The following FNDC3B variants were observed in gnomAD, a reference collection of about 807,000 sequenced individuals.
FNDC3B encodes the protein fibronectin type III domain containing 3B.
In FNDC3B, 12 loss-of-function variants were observed where a neutral mutation model predicts 151.5. The ratio of observed to expected loss-of-function variants is 0.08; its 90% CI spans 0.05 to 0.13. FNDC3B has a LOEUF of 0.13. Ranked by LOEUF, FNDC3B falls within the 10% of genes least tolerant of loss-of-function variation. FNDC3B has a pLI of 1.00. For missense variants in FNDC3B, 1,214 were observed against 1,505.3 expected, an observed-to-expected ratio of 0.81 and a Z score of 3.20; for synonymous variants, 528 against 549.0, an observed-to-expected ratio of 0.96 and a Z score of 0.54.
At chr3:172,218,095 A>G (rs1726088161) in intron 3 of FNDC3B, among the ~76,000 whole-genome samples, 1 of 150,762 alleles carries the variant, frequency 6.6e-6, no homozygotes, top group African/African-American at 2.4e-5. Context: ...TTCTTGAAAT[A>G]AAGCCAATGC....
At chr3:172,060,678 A>C (rs1717155721) in intron 1 of FNDC3B, among the ~76,000 whole-genome samples, 1 of 152,226 alleles carries the variant, frequency 6.6e-6, no homozygotes. Flanking sequence ...TTGAAGGCAG[A>C]GACCGACACT....
At chr3:172,370,654 A>T (rs1019217870) in intron 23 of FNDC3B, among the ~76,000 whole-genome samples, 1 of 152,250 alleles carries the variant, frequency 6.6e-6, no homozygotes, top group Non-Finnish European at 1.5e-5. Context: ...ATTCTGGCTA[A>T]GGTCTGTGTG....
intron 4 of FNDC3B, among the ~76,000 whole-genome samples, chr3:172,245,232 G>A (rs1335099351): frequency 6.6e-5 from 10 of 151,874 alleles, no homozygotes; most frequent in South Asian, 2.1e-4. Flanking sequence ...AAATTTTTTC[G>A]TTATAAATAG....
At chr3:172,220,858 C>T (rs776604088) in intron 3 of FNDC3B, among the ~76,000 whole-genome samples, 3 of 152,008 alleles carry the variant, frequency 2.0e-5, no homozygotes, top group Non-Finnish European at 4.4e-5. Context: ...CTTTGGAGGC[C>T]GAGGAATATC....
At chr3:172,265,440 T>C (rs950898471) in intron 6 of FNDC3B, among the ~76,000 whole-genome samples, 2 of 152,154 alleles carry the variant, frequency 1.3e-5, no homozygotes, top group African/African-American at 2.4e-5. Flanking sequence ...GAGCAGTAGA[T>C]CAATAATCTG....
At chr3:172,126,639 T>C (rs934388825) in intron 2 of FNDC3B, among the ~76,000 whole-genome samples, 1 of 152,212 alleles carries the variant, frequency 6.6e-6, no homozygotes, top group African/African-American at 2.4e-5. Context: ...TCCTGGATTG[T>C]ATGGTGGACA....
chr3:172,173,702 T>G (rs1488725543), intron 3 of FNDC3B, among the ~76,000 whole-genome samples: 3 of 151,614 alleles, frequency 2.0e-5, no homozygotes, highest in African/African-American at 7.3e-5. Flanking sequence ...ATACCTGTAG[T>G]CCCAGCTACT....
intron 6 of FNDC3B, among the ~76,000 whole-genome samples, chr3:172,275,161 T>G (rs759318357): frequency 6.6e-6 from 1 of 152,186 alleles, no homozygotes; most frequent in Non-Finnish European, 1.5e-5. Context: ...GGAGATCAGA[T>G]GAATGTGGTT....
At chr3:172,045,203 GATTT>G (rs1309736275) in intron 1 of FNDC3B, among the ~76,000 whole-genome samples, 1 of 152,130 alleles carries the variant, frequency 6.6e-6, no homozygotes, top group Non-Finnish European at 1.5e-5. Context: ...TTTGAAAAAT[GATTT>G]ATTTTTCTCT....
intron 3 of FNDC3B, among the ~76,000 whole-genome samples, chr3:172,149,354 T>A (rs1314249995): frequency 6.6e-6 from 1 of 152,124 alleles, no homozygotes; most frequent in Non-Finnish European, 1.5e-5. Flanking sequence ...AGGAAGAGGG[T>A]CCCCAGATAC....
chr3:172,106,374 G>A (rs1432924791), intron 1 of FNDC3B, among the ~76,000 whole-genome samples: 1 of 152,196 alleles, frequency 6.6e-6, no homozygotes, highest in Admixed American at 6.5e-5. Flanking sequence ...TGCTGGTGAA[G>A]TGGGCCTGGG....
chr3:172,260,059 T>C lies in FNDC3B; in HGVS notation c.790+8518T>C, dbSNP rs143538099. ...AAACCCATGTTATTTTCTCTGCCTT[T>C]TTGCTTTCTTGGGAACTGATCATGA... On this transcript the variant is annotated intron_variant, in intron 6 of 25. Coordinates refer to ENST00000415807, the MANE Select transcript of FNDC3B (RefSeq NM_022763.4). Among the ~76,000 whole-genome samples, 457 of 152,356 alleles carry C rather than the reference T, an allele frequency of 3.0e-3. 4 individuals are homozygous for C. Among genetic ancestry groups the C allele is most frequent in the African/African-American group, 0.011 (444 of 41,588 alleles).
intron 1 of FNDC3B, among the ~76,000 whole-genome samples, chr3:172,064,149 A>G (rs1323849614): frequency 6.6e-6 from 1 of 152,128 alleles, no homozygotes; most frequent in Admixed American, 6.5e-5. Context: ...CTTAAAATAG[A>G]TAGATAGATT....
rs542350309 is a variant in FNDC3B, at chr3:172,064,298, G to A, written c.-29+24527G>A. Among the ~76,000 whole-genome samples the A allele has an allele frequency of 6.7e-4, 102 of 152,196 alleles. 1 individual carries two copies. The highest frequency in any genetic ancestry group is 2.4e-3 in the African/African-American group (98 of 41,518). On this transcript the variant is annotated intron_variant, in intron 1 of 25. Transcript: ENST00000415807. ...CCTTGATTTTGGACTTACCAACCCC[G>A]AGAACTGTAAGAAATGAATTTCTGT...
chr3:172,277,396 T>C (rs1204714772), intron 6 of FNDC3B, among the ~76,000 whole-genome samples: 1 of 152,230 alleles, frequency 6.6e-6, no homozygotes, highest in African/African-American at 2.4e-5. Context: ...ATGGCACGTT[T>C]GTGCTATGTC....
intron 1 of FNDC3B, among the ~76,000 whole-genome samples, chr3:172,107,266 G>A (rs1162965758): frequency 2.0e-5 from 3 of 152,162 alleles, no homozygotes; most frequent in East Asian, 1.9e-4. Flanking sequence ...GGAAGTATGG[G>A]TACAAACAAA....
chr3:172,328,718 C>T (rs574316997), intron 11 of FNDC3B, among the ~76,000 whole-genome samples: 26 of 152,242 alleles, frequency 1.7e-4, no homozygotes, highest in Non-Finnish European at 3.1e-4. Context: ...CAGTAAATTA[C>T]CTGTCTCAAT....
chr3:172,126,944 C>G, intron 2 of FNDC3B: 1 of 452,362 alleles, frequency 2.2e-6, no homozygotes. Flanking sequence ...CTATAGGAGT[C>G]ACTCTTGTTG....
intron 18 of FNDC3B, among the ~76,000 whole-genome samples, chr3:172,343,858 A>T (rs1406489201): frequency 1.3e-5 from 2 of 152,212 alleles, no homozygotes; most frequent in African/African-American, 2.4e-5. Flanking sequence ...TTATTTTATC[A>T]ATGTAATTAA....
Sources: allele counts gnomAD v4.1 joint callset (sites outside exome capture counted in the v4.1 genomes callset), GRCh38; gene constraint gnomAD v4.1.1; transcripts MANE v1.5; gene names NCBI Gene and HGNC (gene_info 2026-07-23, HGNC 2026-07-21).